CADM2: variants seen among roughly 807,000 people sequenced by gnomAD.
The protein encoded by CADM2 is cell adhesion molecule 2.
CADM2 carries 12 observed loss-of-function variants against 49.8 expected under a neutral mutation model. The observed-to-expected ratio is 0.24, with a 90% CI of 0.15 to 0.39. CADM2 has a LOEUF of 0.39. CADM2 is among the 10% of genes least tolerant of loss of function. The probability of loss-of-function intolerance (pLI) is 1.00; values close to 1 mark genes in which losing one functional copy is unlikely to be tolerated. For synonymous variants in CADM2, 214 were observed against 175.4 expected, an observed-to-expected ratio of 1.22 and a Z score of -1.74; for missense variants, 378 against 492.3, an observed-to-expected ratio of 0.77 and a Z score of 2.20.
intron 3 of CADM2, chr3:85,805,514 C>T (rs899216978): frequency 3.3e-5 from 5 of 152,082 alleles, no homozygotes; most frequent in African/African-American, 1.2e-4. Context: ...TTCTCGTCCT[C>T]ACTATCTGTT....
At chr3:85,001,771 T>G (rs1447307386) in intron 1 of CADM2, among the ~76,000 whole-genome samples, 1 of 152,096 alleles carries the variant, frequency 6.6e-6, no homozygotes, top group Non-Finnish European at 1.5e-5. Context: ...AACATTAATA[T>G]CTCTGAGACC....
intron 1 of CADM2, among the ~76,000 whole-genome samples, chr3:85,139,472 C>A (rs1012423315): frequency 6.6e-6 from 1 of 151,946 alleles, no homozygotes; most frequent in Non-Finnish European, 1.5e-5. Context: ...GTTGGCTATG[C>A]TAACTTCTTA....
chr3:85,895,505 C>CT (rs1485543890), intron 5 of CADM2, among the ~76,000 whole-genome samples: 2 of 152,186 alleles, frequency 1.3e-5, no homozygotes, highest in Admixed American at 1.3e-4. Context: ...TCAGATGAGA[C>CT]TTTAGGCTGT....
chr3:85,134,700 G>C (rs2039362216), intron 1 of CADM2, among the ~76,000 whole-genome samples: 1 of 152,002 alleles, frequency 6.6e-6, no homozygotes, highest in South Asian at 2.1e-4. Context: ...GCTATACACA[G>C]CTAATCGATT....
At chr3:85,240,108 T>C (rs1187990428) in intron 1 of CADM2, among the ~76,000 whole-genome samples, 1 of 150,078 alleles carries the variant, frequency 6.7e-6, no homozygotes, top group African/African-American at 2.5e-5. Flanking sequence ...TGCTATTTAC[T>C]TTGTTACCAG....
chr3:85,032,797 A>G (rs766298261), intron 1 of CADM2, among the ~76,000 whole-genome samples: 2 of 152,150 alleles, frequency 1.3e-5, no homozygotes, highest in Non-Finnish European at 2.9e-5. Flanking sequence ...TTACCTTGAA[A>G]AAGAGAATAA....
intron 1 of CADM2, among the ~76,000 whole-genome samples, chr3:85,558,269 G>T (rs930453451): frequency 1.3e-5 from 2 of 151,990 alleles, no homozygotes; most frequent in Non-Finnish European, 2.9e-5. Flanking sequence ...GAAGAAGCCT[G>T]ACTCTATTGC....
At chr3:85,847,466 T>C (rs2108281233) in intron 3 of CADM2, among the ~76,000 whole-genome samples, 1 of 152,332 alleles carries the variant, frequency 6.6e-6, no homozygotes, top group South Asian at 2.1e-4. Context: ...AGTTTTCAAG[T>C]GCTTCAGATG....
chr3:85,713,564 CACTT>C (rs2067189168), intron 1 of CADM2, among the ~76,000 whole-genome samples: 1 of 152,162 alleles, frequency 6.6e-6, no homozygotes, highest in Admixed American at 6.5e-5. Context: ...CTCCATAAGA[CACTT>C]ACCCACTGAA....
At chr3:85,705,083 G>T (rs572087293) in intron 1 of CADM2, among the ~76,000 whole-genome samples, 2 of 147,080 alleles carry the variant, frequency 1.4e-5, no homozygotes, top group East Asian at 2.0e-4. Flanking sequence ...AGCCTGGATG[G>T]TCTCGATCTC....
chr3:85,048,135 C>G (rs1326734028), intron 1 of CADM2, among the ~76,000 whole-genome samples: 1 of 151,602 alleles, frequency 6.6e-6, no homozygotes, highest in African/African-American at 2.4e-5. Flanking sequence ...TGTTAAGTGC[C>G]AAGACGATGT....
chr3:85,841,004 C>T (rs1438427304), intron 3 of CADM2, among the ~76,000 whole-genome samples: 1 of 151,250 alleles, frequency 6.6e-6, no homozygotes, highest in African/African-American at 2.4e-5. Context: ...CTATAGTATT[C>T]AATATTATAA....
intron 8 of CADM2, among the ~76,000 whole-genome samples, chr3:86,028,310 A>G (rs1305445920): frequency 2.6e-5 from 4 of 152,084 alleles, no homozygotes; most frequent in African/African-American, 9.7e-5. Context: ...TCATTTATAC[A>G]CTTAACAAAT....
At chr3:85,256,270 G>A (rs1002630055) in intron 1 of CADM2, among the ~76,000 whole-genome samples, 2 of 151,902 alleles carry the variant, frequency 1.3e-5, no homozygotes, top group African/African-American at 4.8e-5. Flanking sequence ...TTATACCAAT[G>A]TTGCTGCCAT....
intron 8 of CADM2, among the ~76,000 whole-genome samples, chr3:86,016,587 A>G (rs1559802620): frequency 6.6e-6 from 1 of 152,152 alleles, no homozygotes; most frequent in Non-Finnish European, 1.5e-5. Flanking sequence ...TGTTAATCAC[A>G]GGCCAACACA....
intron 1 of CADM2, among the ~76,000 whole-genome samples, chr3:85,514,370 A>G (rs1295166275): frequency 1.3e-5 from 2 of 152,102 alleles, no homozygotes; most frequent in South Asian, 4.1e-4. Flanking sequence ...CATGGTTTAT[A>G]TGAGTACTCA....
At chr3:85,540,632 T>C (rs1034918733) in intron 1 of CADM2, among the ~76,000 whole-genome samples, 2 of 152,158 alleles carry the variant, frequency 1.3e-5, no homozygotes, top group African/African-American at 4.8e-5. Flanking sequence ...ATGTAAAGAT[T>C]AATCTCATTT....
At chr3:85,038,908 T>C (rs1266902815) in intron 1 of CADM2, among the ~76,000 whole-genome samples, 1 of 152,212 alleles carries the variant, frequency 6.6e-6, no homozygotes, top group Non-Finnish European at 1.5e-5. Context: ...TTTCATCCCC[T>C]TGTCATTATA....
intron 1 of CADM2, among the ~76,000 whole-genome samples, chr3:85,125,158 C>T (rs1447383346): frequency 6.6e-6 from 1 of 152,094 alleles, no homozygotes; most frequent in African/African-American, 2.4e-5. Flanking sequence ...AGGACTATGA[C>T]TGTGGTTTTA....
Sources: allele counts gnomAD v4.1 joint callset (sites outside exome capture counted in the v4.1 genomes callset), GRCh38; gene constraint gnomAD v4.1.1; transcripts MANE v1.5; gene names NCBI Gene and HGNC (gene_info 2026-07-23, HGNC 2026-07-21).